CENPP: variants seen among roughly 807,000 people sequenced by gnomAD.
The protein encoded by CENPP is centromere protein P.
CENPP carries 24 observed loss-of-function variants against 35.6 expected under a neutral mutation model. That is an observed-to-expected ratio of 0.67 (90% CI 0.49 to 0.95). The LOEUF (loss-of-function observed/expected upper bound fraction) is 0.95. CENPP is among the 40% of genes least tolerant of loss of function. CENPP has a pLI of 0.00. For synonymous variants in CENPP, 120 were observed against 125.5 expected, an observed-to-expected ratio of 0.96 and a Z score of 0.29; for missense variants, 332 against 345.3, an observed-to-expected ratio of 0.96 and a Z score of 0.31.
intron 5 of CENPP, among the ~76,000 whole-genome samples, chr9:92,551,925 G>GTGTATATATATA (rs1176239722): frequency 2.4e-5 from 2 of 84,568 alleles, no homozygotes; most frequent in African/African-American, 1.6e-4. Flanking sequence ...TGGTGTGTGT[G>GTGTATATATATA]TATATATATA....
At chr9:92,351,806 G>A (rs1841452638) in intron 4 of CENPP, among the ~76,000 whole-genome samples, 1 of 151,710 alleles carries the variant, frequency 6.6e-6, no homozygotes, top group Non-Finnish European at 1.5e-5. Flanking sequence ...TATATTTTTA[G>A]TAGAGAAGGG....
chr9:92,392,230 A>G (rs1365467555), intron 5 of CENPP, among the ~76,000 whole-genome samples: 2 of 152,146 alleles, frequency 1.3e-5, no homozygotes, highest in Non-Finnish European at 2.9e-5. Flanking sequence ...CCATATTAGA[A>G]TCATCCAAGG....
chr9:92,467,736 A>G (rs190354401), intron 5 of CENPP, among the ~76,000 whole-genome samples: 1 of 151,958 alleles, frequency 6.6e-6, no homozygotes, highest in East Asian at 1.9e-4. Context: ...TCCTCATCTC[A>G]CTCTTGGCCC....
rs551095219 is a variant in CENPP, at chr9:92,330,570, G to A, written c.108-1600G>A. 1.0e-3 allele frequency among the ~76,000 whole-genome samples: 156 copies of A among 150,994 alleles called. 3 individuals are homozygous for A. The Middle Eastern group carries it at 0.038, about 36-fold the overall frequency. ...GCTGGCCGGAAAAGTCAACAGTATA[G>A]AATGTAGCAGAGTGTTTAAAGGAAA... On this transcript the variant is annotated intron_variant, in intron 1 of 7. Coordinates refer to ENST00000375587, the MANE Select transcript of CENPP (RefSeq NM_001012267.3).
intron 5 of CENPP, among the ~76,000 whole-genome samples, chr9:92,437,353 A>G (rs989183099): frequency 4.0e-5 from 6 of 151,276 alleles, no homozygotes; most frequent in African/African-American, 1.5e-4. Flanking sequence ...TCAAATATAT[A>G]GCTTGTAATA....
chr9:92,602,024 G>C (rs1249026497), intron 5 of CENPP, among the ~76,000 whole-genome samples: 1 of 152,196 alleles, frequency 6.6e-6, no homozygotes, highest in African/African-American at 2.4e-5. Context: ...TTTGATTCTA[G>C]AGCTGGGCAG....
intron 2 of CENPP, among the ~76,000 whole-genome samples, chr9:92,334,084 C>T (rs1564263168): frequency 6.7e-6 from 1 of 149,596 alleles, no homozygotes; most frequent in Admixed American, 6.7e-5. Context: ...AATTTGGAGT[C>T]GAAAATTAAG....
intron 5 of CENPP, among the ~76,000 whole-genome samples, chr9:92,570,985 C>G (rs1362586723): frequency 6.6e-6 from 1 of 152,066 alleles, no homozygotes; most frequent in Non-Finnish European, 1.5e-5. Flanking sequence ...CTTTATTAGT[C>G]TTGCTAGCAG....
At chr9:92,445,252 C>G (rs1164615759) in intron 5 of CENPP, among the ~76,000 whole-genome samples, 1 of 152,190 alleles carries the variant, frequency 6.6e-6, no homozygotes, top group African/African-American at 2.4e-5. Flanking sequence ...GTCACCCCTT[C>G]TTCAAGCATC....
intron 4 of CENPP, among the ~76,000 whole-genome samples, chr9:92,369,572 A>G (rs759322790): frequency 2.0e-5 from 3 of 152,228 alleles, no homozygotes; most frequent in East Asian, 1.9e-4. Context: ...GCTTTAGACA[A>G]TATGGTCATT....
chr9:92,470,794 C>G (rs370000192), intron 5 of CENPP: 81 of 1,412,572 alleles, frequency 5.7e-5, no homozygotes, highest in Non-Finnish European at 7.8e-5. Flanking sequence ...TAGAAAGAAA[C>G]AAACATATTA....
intron 5 of CENPP, chr9:92,500,781 C>T: frequency 1.9e-6 from 3 of 1,613,922 alleles, no homozygotes; most frequent in Non-Finnish European, 2.5e-6. Flanking sequence ...TTCTTGTATC[C>T]CAGGTGGTAT....
intron 5 of CENPP, among the ~76,000 whole-genome samples, chr9:92,545,748 C>G (rs943079412): frequency 6.6e-6 from 1 of 152,194 alleles, no homozygotes; most frequent in African/African-American, 2.4e-5. Context: ...TTTGGAGAAC[C>G]TTTATGTCTA....
chr9:92,584,987 A>G (rs1850508067), intron 5 of CENPP, among the ~76,000 whole-genome samples: 1 of 152,272 alleles, frequency 6.6e-6, no homozygotes, highest in Non-Finnish European at 1.5e-5. Context: ...TCAGTGCTTC[A>G]GTATTTAGTT....
chr9:92,562,099 G>A (rs1362690457), intron 5 of CENPP, among the ~76,000 whole-genome samples: 1 of 152,130 alleles, frequency 6.6e-6, no homozygotes, highest in Non-Finnish European at 1.5e-5. Flanking sequence ...AGATCACCGT[G>A]AAGGAGTGAG....
At chr9:92,571,285 G>A (rs568268660) in intron 5 of CENPP, among the ~76,000 whole-genome samples, 4 of 152,222 alleles carry the variant, frequency 2.6e-5, no homozygotes, top group South Asian at 2.1e-4. Flanking sequence ...TTGTGTCTTT[G>A]TTCTCATTGG....
At chr9:92,468,577 AAC>A (rs1845398648) in intron 5 of CENPP, among the ~76,000 whole-genome samples, 1 of 152,218 alleles carries the variant, frequency 6.6e-6, no homozygotes. Flanking sequence ...GCTAAAACTT[AAC>A]ACAGAGAATT....
At chr9:92,349,308 A>G (rs193260997) in intron 4 of CENPP, among the ~76,000 whole-genome samples, 32 of 151,942 alleles carry the variant, frequency 2.1e-4, no homozygotes, top group African/African-American at 7.7e-4. Flanking sequence ...ATTCCCTTGT[A>G]TGAATGTACC....
intron 5 of CENPP, among the ~76,000 whole-genome samples, chr9:92,601,160 C>T (rs1452142757): frequency 6.6e-6 from 1 of 152,162 alleles, no homozygotes; most frequent in Non-Finnish European, 1.5e-5. Flanking sequence ...TTCCTTTCTG[C>T]TTGTATCACT....
Sources: allele counts gnomAD v4.1 joint callset (sites outside exome capture counted in the v4.1 genomes callset), GRCh38; gene constraint gnomAD v4.1.1; transcripts MANE v1.5; gene names NCBI Gene and HGNC (gene_info 2026-07-23, HGNC 2026-07-21).